Variants in NPAS3 observed in about 807,000 individuals in gnomAD.
NPAS3 encodes the protein neuronal PAS domain protein 3, also known as neuronal PAS domain-containing protein 3.
NPAS3 carries 14 observed loss-of-function variants against 73.1 expected under a neutral mutation model. That is an observed-to-expected ratio of 0.19 (90% confidence interval 0.13 to 0.30). NPAS3 has a LOEUF of 0.30. NPAS3 is among the 10% of genes least tolerant of loss of function. The pLI is 1.00. For missense variants in NPAS3, 1,096 were observed against 1,250.0 expected (o/e 0.88, Z 1.86); for synonymous variants, 620 against 541.5 (o/e 1.14, Z -2.01).
chr14:33,271,053 C>T (rs1264179176), intron 3 of NPAS3, among the ~76,000 whole-genome samples: 1 of 152,134 alleles, frequency 6.6e-6, no homozygotes, highest in Non-Finnish European at 1.5e-5. Flanking sequence ...AATGAAGACC[C>T]CAAAATACAG....
At chr14:33,434,501 T>C (rs1019893749) in intron 4 of NPAS3, among the ~76,000 whole-genome samples, 1 of 151,230 alleles carries the variant, frequency 6.6e-6, no homozygotes, top group Non-Finnish European at 1.5e-5. Flanking sequence ...CACCCCAGCC[T>C]GGGTGACAGC....
chr14:33,560,848 G>C (rs1008700183), intron 5 of NPAS3, among the ~76,000 whole-genome samples: 1 of 152,162 alleles, frequency 6.6e-6, no homozygotes, highest in Non-Finnish European at 1.5e-5. Context: ...GTTACTTCTC[G>C]ATATTCCCCT....
At chr14:33,511,194 T>C (rs953818242) in intron 4 of NPAS3, among the ~76,000 whole-genome samples, 7 of 152,224 alleles carry the variant, frequency 4.6e-5, no homozygotes, top group African/African-American at 1.7e-4. Flanking sequence ...GATGGCACAG[T>C]TGTGAATTCA....
rs1418717886 is a variant in NPAS3 at position 33,281,878 on chromosome 14, A to T, written c.385+66452A>T. Among the ~76,000 whole-genome samples the T allele has an allele frequency of 2.0e-5, 3 of 152,190 alleles. No individual in the cohort carries two copies. In the East Asian group the frequency reaches 5.8e-4, roughly 29 times the overall value. Reference sequence around the variant, plus strand: ...TAATTTTACTTGTGCAAACTTTGACAGTTACAGAATATATGAACAAGAGGC... The same window carrying T: ...TAATTTTACTTGTGCAAACTTTGACTGTTACAGAATATATGAACAAGAGGC... On this transcript the variant is annotated intron_variant, in intron 3 of 11. Transcript: ENST00000356141.
chr14:33,409,112 A>G (rs2047799172), intron 4 of NPAS3, among the ~76,000 whole-genome samples: 2 of 152,326 alleles, frequency 1.3e-5, no homozygotes, highest in South Asian at 4.1e-4. Context: ...TTATTTGCAG[A>G]ATAAATTTCA....
intron 7 of NPAS3, among the ~76,000 whole-genome samples, chr14:33,744,030 G>T (rs1449229755): frequency 6.6e-6 from 1 of 152,212 alleles, no homozygotes; most frequent in East Asian, 1.9e-4. Context: ...CTCCCTAACA[G>T]CAGTAAGGCT....
At chr14:33,658,292 T>C (rs1263249374) in intron 5 of NPAS3, among the ~76,000 whole-genome samples, 1 of 152,198 alleles carries the variant, frequency 6.6e-6, no homozygotes, top group Non-Finnish European at 1.5e-5. Context: ...TGAAGACAGA[T>C]AGAGGAGAAA....
chr14:33,385,104 G>A (rs186920394), intron 4 of NPAS3, among the ~76,000 whole-genome samples: 371 of 152,280 alleles, frequency 2.4e-3, no homozygotes, highest in African/African-American at 8.2e-3. Context: ...ATCTATGATG[G>A]TTCACATTTG....
rs576930880 is a variant in NPAS3, at chr14:33,211,121, C to T, written c.141-4061C>T. 5.9e-5 allele frequency among the ~76,000 whole-genome samples: 9 copies of T among 152,292 alleles called. 1 individual carries two copies. The highest frequency in any genetic ancestry group is 2.2e-4 in the African/African-American group (9 of 41,560). On this transcript the variant is annotated intron_variant, in intron 2 of 11. Transcript: ENST00000356141. ...TCTTATTTAAAAAAGACTCATTTAA[C>T]TTAATTCTAACGACAACTTTATAAA...
At chr14:32,988,431 A>G (rs1391190343) in intron 1 of NPAS3, among the ~76,000 whole-genome samples, 1 of 152,246 alleles carries the variant, frequency 6.6e-6, no homozygotes, top group Non-Finnish European at 1.5e-5. Context: ...CATTAAAATG[A>G]AAACATTTTC....
At chr14:33,525,904 G>A (rs948476981) in intron 4 of NPAS3, among the ~76,000 whole-genome samples, 3 of 152,146 alleles carry the variant, frequency 2.0e-5, no homozygotes, top group Non-Finnish European at 2.9e-5. Context: ...GTGAGATTAC[G>A]AAAGAGGAAA....
chr14:33,393,260 T>C (rs1429684858), intron 4 of NPAS3, among the ~76,000 whole-genome samples: 1 of 152,158 alleles, frequency 6.6e-6, no homozygotes, highest in Non-Finnish European at 1.5e-5. Context: ...TGTTAAGCTG[T>C]GGTCACCGTA....
intron 9 of NPAS3, among the ~76,000 whole-genome samples, chr14:33,783,703 C>T (rs1237588959): frequency 6.6e-6 from 1 of 152,030 alleles, no homozygotes; most frequent in Non-Finnish European, 1.5e-5. Context: ...TGAGCTCCAG[C>T]GGCGCATCCC....
At chr14:33,167,856 G>A (rs1356945826) in intron 2 of NPAS3, among the ~76,000 whole-genome samples, 2 of 152,164 alleles carry the variant, frequency 1.3e-5, no homozygotes, top group African/African-American at 4.8e-5. Context: ...CCCATGTAAG[G>A]AATGACATAC....
At chr14:33,314,808 T>A (rs2043142827) in intron 3 of NPAS3, among the ~76,000 whole-genome samples, 1 of 152,030 alleles carries the variant, frequency 6.6e-6, no homozygotes, top group Admixed American at 6.6e-5. Flanking sequence ...TCCTAATTTG[T>A]GTTGAAAGAA....
At chr14:33,306,332 C>G (rs1371494977) in intron 3 of NPAS3, among the ~76,000 whole-genome samples, 1 of 152,146 alleles carries the variant, frequency 6.6e-6, no homozygotes, top group Non-Finnish European at 1.5e-5. Flanking sequence ...GTACAAAGCT[C>G]AAAATCAGTA....
intron 4 of NPAS3, among the ~76,000 whole-genome samples, chr14:33,420,886 A>T (rs1276604172): frequency 1.3e-5 from 2 of 151,912 alleles, no homozygotes; most frequent in Non-Finnish European, 2.9e-5. Flanking sequence ...CTTCTATTTG[A>T]TGTAAATGCT....
chr14:33,708,543 G>T (rs1186908936), intron 6 of NPAS3, among the ~76,000 whole-genome samples: 4 of 152,188 alleles, frequency 2.6e-5, no homozygotes, highest in Non-Finnish European at 5.9e-5. Context: ...GAGGTTAATT[G>T]TGGGGAGCCC....
At chr14:33,581,399 A>G (rs147231345) in intron 5 of NPAS3, among the ~76,000 whole-genome samples, 1 of 152,192 alleles carries the variant, frequency 6.6e-6, no homozygotes, top group Non-Finnish European at 1.5e-5. Flanking sequence ...CAAATTCACA[A>G]CAAAAATTTG....
Sources: allele counts gnomAD v4.1 joint callset (sites outside exome capture counted in the v4.1 genomes callset), GRCh38; gene constraint gnomAD v4.1.1; transcripts MANE v1.5; gene names NCBI Gene and HGNC (gene_info 2026-07-23, HGNC 2026-07-21).